ATP11B: variants seen among roughly 807,000 people sequenced by gnomAD.
ATP11B encodes the protein ATPase phospholipid transporting 11B (putative).
In ATP11B, 81 loss-of-function variants were observed where a neutral mutation model predicts 157.8. That is an observed-to-expected ratio of 0.51 (90% confidence interval 0.43 to 0.62). ATP11B has a LOEUF of 0.62. Among genes scored for constraint, ATP11B ranks in the 20% least tolerant of loss-of-function variants. The pLI, the probability that ATP11B is intolerant of heterozygous loss-of-function variation, is 0.00. For synonymous variants in ATP11B, 451 were observed against 469.4 expected (o/e 0.96, Z 0.51); for missense variants, 1,165 against 1,402.2 (o/e 0.83, Z 2.70).
intron 1 of ATP11B, among the ~76,000 whole-genome samples, chr3:182,813,056 T>G: frequency 6.6e-6 from 1 of 152,250 alleles, no homozygotes; most frequent in East Asian, 1.9e-4. Flanking sequence ...TTTCTTCCTT[T>G]TTAATGCTGT....
At chr3:182,794,706 G>A (rs1223584852) in intron 1 of ATP11B, among the ~76,000 whole-genome samples, 1 of 152,190 alleles carries the variant, frequency 6.6e-6, no homozygotes, top group African/African-American at 2.4e-5. Context: ...CAGCTACAGC[G>A]CAGAAAGTAC....
chr3:182,856,542 A>G (rs909405975), intron 10 of ATP11B, among the ~76,000 whole-genome samples: 1 of 152,196 alleles, frequency 6.6e-6, no homozygotes, highest in African/African-American at 2.4e-5. Context: ...TGAATGTCAT[A>G]TCCCTTCCTT....
chr3:182,800,613 T>A (rs1416042600), intron 1 of ATP11B, among the ~76,000 whole-genome samples: 1 of 152,182 alleles, frequency 6.6e-6, no homozygotes, highest in African/African-American at 2.4e-5. Context: ...TGCATTGAAT[T>A]TCTGTTACTT....
At position 182,921,314 on chromosome 3, in the gene ATP11B, A is replaced by G. The variant is rs1553830446; in HGVS notation, c.*3210A>G. 1 of 151,862 alleles carries G rather than the reference A, an allele frequency of 6.6e-6. No homozygotes were observed. Among genetic ancestry groups the G allele is most frequent in the Non-Finnish European group, 1.5e-5 (1 of 68,026 alleles). 9.4% of individuals were successfully genotyped at this position (151,862 alleles called of 1,614,324 possible). A position where few individuals can be genotyped will look rare whatever the true frequency, so the allele number is the denominator to read the frequency against. ...ATTTCTATTTTGAAATGAGTTATCT[A>G]TTTTCATAAAAGTAAAACACTATTA... On this transcript the variant is annotated 3_prime_UTR_variant, in exon 30 of 30. Transcript: ENST00000323116.
rs530513649 is a variant in ATP11B, at chr3:182,878,945, A to G, written c.2253-551A>G. ...TATTACAATTCACATTTTAGAAAAT[A>G]TAATTACTGTATCTATATATCAGTT... On this transcript the variant is annotated intron_variant, in intron 19 of 29. Coordinates refer to ENST00000323116, the MANE Select transcript of ATP11B (RefSeq NM_014616.3). Among the ~76,000 whole-genome samples the G allele has an allele frequency of 2.0e-5, 3 of 152,330 alleles. No individual in the cohort carries two copies. The East Asian group carries it at 5.8e-4, about 29-fold the overall frequency.
At chr3:182,821,948 G>A (rs930512973) in intron 2 of ATP11B, among the ~76,000 whole-genome samples, 2 of 152,138 alleles carry the variant, frequency 1.3e-5, no homozygotes, top group Admixed American at 6.5e-5. Context: ...TAGGTCAGCA[G>A]TTCTTTGCCC....
chr3:182,860,514 T>G (rs1720751547), intron 12 of ATP11B, among the ~76,000 whole-genome samples: 2 of 152,176 alleles, frequency 1.3e-5, no homozygotes, highest in Non-Finnish European at 1.5e-5. Context: ...CAATTAACTC[T>G]GTGAGTCTTT....
At chr3:182,876,471 T>C (rs1024160746) in intron 19 of ATP11B, among the ~76,000 whole-genome samples, 1 of 152,228 alleles carries the variant, frequency 6.6e-6, no homozygotes, top group South Asian at 2.1e-4. Context: ...ATTTTAGGCT[T>C]GCCGTCTTAG....
intron 21 of ATP11B, among the ~76,000 whole-genome samples, chr3:182,881,299 T>A (rs923053490): frequency 1.2e-4 from 18 of 152,050 alleles, no homozygotes; most frequent in Admixed American, 1.0e-3. Flanking sequence ...CCAGGCGTGG[T>A]GGCACGTGCC....
intron 17 of ATP11B, among the ~76,000 whole-genome samples, chr3:182,870,018 A>G (rs1721534397): frequency 6.6e-6 from 1 of 152,166 alleles, no homozygotes; most frequent in Non-Finnish European, 1.5e-5. Flanking sequence ...GCCTTATATT[A>G]ATACTACATT....
chr3:182,836,664 G>T lies in ATP11B; in HGVS notation c.552+194G>T, dbSNP rs1718576192. 7 of 569,334 alleles carry T rather than the reference G, an allele frequency of 1.2e-5. No homozygotes were observed. In the East Asian group the frequency reaches 2.2e-4, roughly 18 times the overall value. The allele number at this position is 569,334 out of a possible 1,614,324, so 35.3% of individuals were successfully genotyped here. A position where few individuals can be genotyped will look rare whatever the true frequency, so the allele number is the denominator to read the frequency against. ...TTATTTCAAGGGTAGCCTCACATGGGTTTAATCCAAGTTAAAAACAGAAGG... is the reference window on the plus strand; with the variant it reads ...TTATTTCAAGGGTAGCCTCACATGGTTTTAATCCAAGTTAAAAACAGAAGG... On this transcript the variant is annotated intron_variant, in intron 6 of 29. Transcript: ENST00000323116.
Position 182,793,705 on chromosome 3 carries a change from C to G in ATP11B, c.-55C>G. The G allele has an allele frequency of 7.6e-7, 1 of 1,320,342 alleles. No individual in the cohort carries two copies. Among genetic ancestry groups the G allele is most frequent in the Non-Finnish European group, 1.0e-6 (1 of 997,516 alleles). 81.8% of individuals were successfully genotyped at this position (1,320,342 alleles called of 1,614,324 possible). ...CCCGCCTCTGTCTTGTCGGCCTCCA[C>G]CTGCAGCCCCGCGGCCCCCGCGCCC... On this transcript the variant is annotated 5_prime_UTR_variant, in exon 1 of 30. Transcript: ENST00000323116.
At chr3:182,801,581 C>T (rs551858657) in intron 1 of ATP11B, among the ~76,000 whole-genome samples, 19 of 152,134 alleles carry the variant, frequency 1.2e-4, no homozygotes, top group Non-Finnish European at 2.5e-4. Flanking sequence ...CAGTTATCGG[C>T]ACATGACCAA....
intron 21 of ATP11B, among the ~76,000 whole-genome samples, chr3:182,881,536 T>G (rs113806175): frequency 6.6e-6 from 1 of 150,556 alleles, no homozygotes; most frequent in Non-Finnish European, 1.5e-5. Flanking sequence ...CAAGACTCTG[T>G]CTCAAAAAAA....
At chr3:182,867,488 A>G in intron 15 of ATP11B, 44 bp downstream of exon 15, 12 of 1,318,162 alleles carry the variant, frequency 9.1e-6, no homozygotes, top group Non-Finnish European at 1.2e-5. Flanking sequence ...TGTTAAGTGT[A>G]TATAGTATAG....
At chr3:182,849,771 T>C (rs1432599513) in intron 10 of ATP11B, among the ~76,000 whole-genome samples, 1 of 152,102 alleles carries the variant, frequency 6.6e-6, no homozygotes, top group Non-Finnish European at 1.5e-5. Flanking sequence ...AATATTAAGC[T>C]GTTTGGCATA....
chr3:182,814,769 C>T, intron 1 of ATP11B, among the ~76,000 whole-genome samples: 1 of 152,156 alleles, frequency 6.6e-6, no homozygotes, highest in East Asian at 1.9e-4. Flanking sequence ...GAATACACCA[C>T]TGCACTCAAG....
intron 19 of ATP11B, among the ~76,000 whole-genome samples, chr3:182,874,838 CT>C (rs1182941689): frequency 6.6e-6 from 1 of 152,068 alleles, no homozygotes; most frequent in Admixed American, 6.6e-5. Context: ...ACATTTTTAT[CT>C]TAGTGAAAAT....
Position 182,857,985 on chromosome 3 carries a change from C to T in ATP11B, c.959C>T (p.Pro320Leu). The T allele has an allele frequency of 6.2e-7, 1 of 1,612,160 alleles. No individual in the cohort carries two copies. Among genetic ancestry groups the T allele is most frequent in the Non-Finnish European group, 8.5e-7 (1 of 1,178,640 alleles). ...CAAGCTGAAGAAAAATGGGATGAACCTTGGTATAACCAAAAAACAGAACAT... is the reference window on the plus strand; with the variant it reads ...CAAGCTGAAGAAAAATGGGATGAACTTTGGTATAACCAAAAAACAGAACAT... ...TWQAEEKWDE[P>L]WYNQKTEHQR... The change falls in exon 11 of 30, where the codon CCT becomes CTT. Residue 320 changes from proline (P) to leucine (L), a missense_variant. By Grantham distance (98) the Pro-to-Leu change is moderately conservative (BLOSUM62 -3). Transcript: ENST00000323116.
Sources: allele counts gnomAD v4.1 joint callset (sites outside exome capture counted in the v4.1 genomes callset), GRCh38; gene constraint gnomAD v4.1.1; transcripts MANE v1.5; gene names NCBI Gene and HGNC (gene_info 2026-07-23, HGNC 2026-07-21).